SPAG17: variants seen among roughly 807,000 people sequenced by gnomAD.
SPAG17 encodes sperm associated antigen 17.
Under a neutral mutation model 273.6 loss-of-function variants are expected in SPAG17, and 169 were observed. That is an observed-to-expected ratio of 0.62 (90% CI 0.55 to 0.70). The LOEUF (loss-of-function observed/expected upper bound fraction) is 0.70, where lower values mean the gene tolerates loss of function less well. Ranked by LOEUF, SPAG17 falls within the 30% of genes least tolerant of loss-of-function variation. The pLI is 0.00. For missense variants in SPAG17, 2,557 were observed against 2,627.8 expected (o/e 0.97, Z 0.59); for synonymous variants, 825 against 873.2 (o/e 0.94, Z 0.97).
At chr1:118,042,094 G>T (rs746827049) in intron 20 of SPAG17, 52 bp from the exon 21 acceptor site, 2 of 1,569,004 alleles carry the variant, frequency 1.3e-6, no homozygotes, top group Middle Eastern at 1.7e-4. Context: ...ATTAAACATA[G>T]GTTCCATTCA....
intron 1 of SPAG17, among the ~76,000 whole-genome samples, chr1:118,153,018 C>T (rs1225651612): frequency 1.3e-5 from 2 of 152,202 alleles, no homozygotes; most frequent in African/African-American, 4.8e-5. Context: ...CCTTATCCCG[C>T]TGTCCACTGC....
At position 118,025,162 on chromosome 1, in the gene SPAG17, T is replaced by C. The variant is rs1390142309; in HGVS notation, c.3909+76A>G. ...AGTGAGTTGTTCCTTTTCCCTGTTA[T>C]AGAACAGTTCCTTACCCATAAGTTG... On this transcript the variant is annotated intron_variant, in intron 27 of 48. Transcript: ENST00000336338. The C allele has an allele frequency of 2.2e-5, 29 of 1,345,380 alleles. No individual in the cohort carries two copies. The South Asian group carries it at 3.3e-4, about 15-fold the overall frequency. 83.3% of individuals were successfully genotyped at this position (1,345,380 alleles called of 1,614,324 possible).
At chr1:117,980,532 A>G (rs915550250) in intron 43 of SPAG17, among the ~76,000 whole-genome samples, 3 of 152,266 alleles carry the variant, frequency 2.0e-5, no homozygotes, top group African/African-American at 7.2e-5. Flanking sequence ...GTGCCTGGCC[A>G]GGTAAATCTT....
intron 1 of SPAG17, among the ~76,000 whole-genome samples, chr1:118,165,757 T>C (rs999718541): frequency 6.8e-6 from 1 of 147,964 alleles, no homozygotes; most frequent in Non-Finnish European, 1.5e-5. Flanking sequence ...GCCATTCTCC[T>C]GCTTCAGCCT....
intron 30 of SPAG17, among the ~76,000 whole-genome samples, chr1:118,009,981 A>C (rs1210774703): frequency 6.6e-6 from 1 of 152,164 alleles, no homozygotes. Context: ...TTTTAAGTAA[A>C]ATAATCCAGG....
Position 118,041,811 on chromosome 1 carries a change from T to C in SPAG17, c.3046A>G (p.Thr1016Ala). The change falls in exon 21 of 49, where the codon ACT (threonine) becomes GCT (alanine). Residue 1016 changes from threonine (T) to alanine (A), a missense_variant. Transcript: ENST00000336338. ...ACAGAATTGGAGTTTACCGGGTAAG[T>C]TATCTTAGGTTCTGGTTGGTGGGGG... ...ESPHQPEPKI[T>A]YPFHGYNMGN... is the part of the protein sequence containing the mutation. 6.2e-7 allele frequency: 1 copy of C among 1,608,630 alleles called. No individual in the cohort carries two copies. Among genetic ancestry groups the C allele is most frequent in the Non-Finnish European group, 8.5e-7 (1 of 1,178,582 alleles).
intron 13 of SPAG17, among the ~76,000 whole-genome samples, chr1:118,083,895 G>A (rs1234259944): frequency 6.6e-6 from 1 of 152,116 alleles, no homozygotes; most frequent in East Asian, 1.9e-4. Context: ...ATTTAGGGAT[G>A]AGGAATCAAG....
At chr1:118,045,165 C>T (rs1224152571) in intron 20 of SPAG17, among the ~76,000 whole-genome samples, 2 of 152,096 alleles carry the variant, frequency 1.3e-5, no homozygotes, top group East Asian at 1.9e-4. Flanking sequence ...GGCACAGAGC[C>T]CCTAAGTCCC....
chr1:118,064,958 A>G (rs987313950), intron 18 of SPAG17, among the ~76,000 whole-genome samples: 12 of 151,820 alleles, frequency 7.9e-5, no homozygotes, highest in African/African-American at 2.9e-4. Context: ...TAATCCAAGG[A>G]AATTAAAGAG....
chr1:118,142,489 TA>T (rs1164759770), intron 3 of SPAG17, among the ~76,000 whole-genome samples: 2 of 152,084 alleles, frequency 1.3e-5, no homozygotes, highest in East Asian at 1.9e-4. Flanking sequence ...TTTACCATAA[TA>T]AAAAAAATTT....
chr1:118,050,502 G>T (rs1160613462), intron 20 of SPAG17, among the ~76,000 whole-genome samples: 1 of 152,064 alleles, frequency 6.6e-6, no homozygotes, highest in Non-Finnish European at 1.5e-5. Context: ...AAAATGGTTA[G>T]CTATAAAGCT....
At chr1:118,003,258 T>G (rs1040817556) in intron 32 of SPAG17, among the ~76,000 whole-genome samples, 34 of 152,222 alleles carry the variant, frequency 2.2e-4, no homozygotes, top group African/African-American at 7.2e-4. Context: ...GCCATTAACA[T>G]TTTTTCCTTC....
intron 1 of SPAG17, among the ~76,000 whole-genome samples, chr1:118,183,599 G>A (rs916971422): frequency 5.9e-5 from 9 of 152,170 alleles, no homozygotes; most frequent in Non-Finnish European, 2.9e-5. Context: ...TATATTGTTT[G>A]AGTAGGATCA....
At chr1:117,960,012 GCTAA>G (rs1369500955) in intron 48 of SPAG17, 5 of 151,990 alleles carry the variant, frequency 3.3e-5, no homozygotes, top group Admixed American at 6.6e-5. Context: ...GATTCTAATT[GCTAA>G]CTGTTTATAC....
At chr1:118,135,191 C>G (rs1658268304) in intron 3 of SPAG17, among the ~76,000 whole-genome samples, 1 of 152,150 alleles carries the variant, frequency 6.6e-6, no homozygotes, top group Non-Finnish European at 1.5e-5. Context: ...GGCGGACATC[C>G]AGCCAGCCCT....
intron 18 of SPAG17, among the ~76,000 whole-genome samples, chr1:118,058,191 T>TA (rs993447948): frequency 5.3e-5 from 8 of 152,098 alleles, no homozygotes; most frequent in Non-Finnish European, 7.4e-5. Context: ...TCAGAGTAAC[T>TA]AAAAAAATGC....
intron 32 of SPAG17, among the ~76,000 whole-genome samples, chr1:118,004,009 C>CT (rs1658593637): frequency 1.3e-5 from 2 of 150,834 alleles, no homozygotes; most frequent in African/African-American, 4.9e-5. Context: ...TGTAGATGTC[C>CT]TTTTTGTTGA....
chr1:117,993,082 C>G (rs574558491), intron 35 of SPAG17, among the ~76,000 whole-genome samples: 1 of 152,276 alleles, frequency 6.6e-6, no homozygotes, highest in African/African-American at 2.4e-5. Flanking sequence ...TTCCATAGAT[C>G]TGGGCCATCT....
chr1:118,128,689 C>A (rs947893039), intron 3 of SPAG17, among the ~76,000 whole-genome samples: 15 of 152,206 alleles, frequency 9.9e-5, no homozygotes, highest in African/African-American at 3.4e-4. Context: ...GGTCCCTGAA[C>A]TTCCTGCACC....
Sources: gnomAD v4.1 joint callset for allele counts (sites outside exome capture counted in the v4.1 genomes callset) on GRCh38, gnomAD v4.1.1 for gene constraint, MANE v1.5 for transcripts, NCBI Gene and HGNC (gene_info 2026-07-23, HGNC 2026-07-21) for gene names.